CABS1: variants seen among roughly 807,000 people sequenced by gnomAD.
CABS1 encodes the protein calcium binding protein, spermatid associated 1.
For missense variants in CABS1, 500 were observed against 464.3 expected, an observed-to-expected ratio of 1.08 and a Z score of -0.71; for synonymous variants, 195 against 169.0, an observed-to-expected ratio of 1.15 and a Z score of -1.19.
Position 70,335,632 on chromosome 4 carries a change from AT to A in CABS1, c.594del (p.Asn198LysfsTer34). 1 of 1,613,624 alleles carries A rather than the reference AT, an allele frequency of 6.2e-7. No individual in the cohort carries two copies. The highest frequency in any genetic ancestry group is 8.5e-7 in the Non-Finnish European group (1 of 1,179,774). ...AATTATAATTCCTCCATCAAATCCA[AT>A]GTCCCTGCTGATGAGGCTGTCCAGG... ...MSNYNSSIKSNVPADEAVQVT... is the reference protein window; with the variant it reads ...MSNYNSSIKSXVPADEAVQVT... On this transcript the variant is annotated frameshift_variant, in exon 1 of 2. Transcript: ENST00000273936. LOFTEE classifies it low-confidence loss of function (END_TRUNC).
At position 70,336,317 on chromosome 4, in the gene CABS1, T is replaced by C; in HGVS notation, c.*90T>C. ...GAAATTTTTCCAACAAGCAAAAACC[T>C]TTAGAAATGAAAGAATGTGGGCATT... is the stretch of plus-strand genomic sequence containing the variant. On this transcript the variant is annotated 3_prime_UTR_variant, in exon 1 of 2. Transcript: ENST00000273936. 3.4e-6 allele frequency: 5 copies of C among 1,462,482 alleles called. No individual in the cohort carries two copies. Among genetic ancestry groups the C allele is most frequent in the Non-Finnish European group, 3.6e-6 (4 of 1,106,272 alleles). The allele number at this position is 1,462,482 out of a possible 1,614,324, so 90.6% of individuals were successfully genotyped here.
chr4:70,336,838 C>A (rs555201964), intron 1 of CABS1, 128 bp from the exon 2 acceptor site: 3 of 152,308 alleles, frequency 2.0e-5, no homozygotes, highest in South Asian at 4.2e-4. Context: ...ATGTTAGATA[C>A]AAACTAAAGC....
rs1560515434 is a variant in CABS1 at position 70,335,101 on chromosome 4, C to G, written c.62C>G (p.Pro21Arg). The G allele has an allele frequency of 1.2e-6, 2 of 1,613,628 alleles. No individual in the cohort carries two copies. The highest frequency in any genetic ancestry group is 2.7e-5 in the African/African-American group (2 of 75,002). Residue 21 changes from proline (P) to arginine (R), a missense_variant, in exon 1 of 2, where the codon CCA (proline) becomes CGA (arginine). Coordinates refer to ENST00000273936, the MANE Select transcript of CABS1 (RefSeq NM_033122.4). The part of the protein sequence containing the change: ...SHPPTESSKT[P>R]TAATIFFGAD... ...CCTCCAACAGAAAGCAGTAAAACAC[C>G]AACTGCAGCAACCATTTTCTTTGGG...
Position 70,335,988 on chromosome 4 carries a change from G to C in CABS1, c.949G>C (p.Val317Leu), listed in dbSNP as rs1465882064. 1.9e-6 allele frequency: 3 copies of C among 1,613,494 alleles called. No homozygotes were observed. The highest frequency in any genetic ancestry group is 2.5e-6 in the Non-Finnish European group (3 of 1,179,676). ...AETHSVLLTA[V>L]ESRYDFVVPA... The stretch of plus-strand genomic sequence containing the variant: ...GACCCATTCTGTTTTGCTTACTGCT[G>C]TTGAATCCAGATATGACTTCGTTGT... The change falls in exon 1 of 2, where the codon GTT (valine) becomes CTT (leucine). Residue 317 changes from valine (V) to leucine (L), a missense_variant. Coordinates refer to ENST00000273936, the MANE Select transcript of CABS1 (RefSeq NM_033122.4).
chr4:70,335,770 TAA>T lies in CABS1; in HGVS notation c.732_733del (p.Ser245CysfsTer5), dbSNP rs1279201136. 6.2e-7 allele frequency: 1 copy of T among 1,613,466 alleles called. No individual in the cohort carries two copies. Among genetic ancestry groups the T allele is most frequent in the Non-Finnish European group, 8.5e-7 (1 of 1,179,734 alleles). On this transcript the variant is annotated frameshift_variant, in exon 1 of 2. Coordinates refer to ENST00000273936, the MANE Select transcript of CABS1 (RefSeq NM_033122.4). LOFTEE classifies it low-confidence loss of function (END_TRUNC). ...GAAGAGAAAATAACCGAAATTGACC[TAA>T]GTGTTTTAGAAGATGACACCAGTGC...
chr4:70,336,274 G>A lies in CABS1; in HGVS notation c.*47G>A. The A allele has an allele frequency of 2.0e-6, 3 of 1,524,556 alleles. No individual in the cohort carries two copies. The highest frequency in any genetic ancestry group is 2.6e-6 in the Non-Finnish European group (3 of 1,139,960). The allele number at this position is 1,524,556 out of a possible 1,614,324, so 94.4% of individuals were successfully genotyped here. On this transcript the variant is annotated 3_prime_UTR_variant, in exon 1 of 2. Transcript: ENST00000273936. ...GTAGAATTGTGCAATAGTCTAGCCA[G>A]CTAGCCTTAACATCTAAGAAATTTT...
chr4:70,335,701 C>CTGAAGAAAGTAG lies in CABS1; in HGVS notation c.671_672insTAGTGAAGAAAG (p.Ser224_Phe225insSerGluGluSer), dbSNP rs571633376. ...CCTGAGGCTGAAATCCCTCCTGCTCCTGAAGAAAGCTTCACTACTATTCCA... is the reference window on the plus strand; with the variant it reads ...CCTGAGGCTGAAATCCCTCCTGCTCCTGAAGAAAGTAGTGAAGAAAGCTTCACTACTATTCCA... On this transcript the variant is annotated inframe_insertion, in exon 1 of 2. Transcript: ENST00000273936. 64 of 1,613,636 alleles carry CTGAAGAAAGTAG rather than the reference C, an allele frequency of 4.0e-5. 1 individual carries two copies. In the East Asian group the frequency reaches 1.3e-3, roughly 32 times the overall value.
In CABS1 at chr4:70,335,331, T is replaced by C. The variant is rs1366285403; in HGVS notation, c.292T>C (p.Ser98Pro). ...AACTCACCTACAGAAAGAAATTACC[T>C]CTCTGACTGGCACTACAAACTCCAT... ...STTHLQKEIT[S>P]LTGTTNSITR... The change falls in exon 1 of 2, where the codon TCT (serine) becomes CCT (proline). Residue 98 changes from serine to proline, a missense_variant. Transcript: ENST00000273936. 2 of 1,613,744 alleles carry C rather than the reference T, an allele frequency of 1.2e-6. No homozygotes were observed. The highest frequency in any genetic ancestry group is 2.2e-5 in the South Asian group (2 of 91,074).
chr4:70,335,938 A>G lies in CABS1; in HGVS notation c.899A>G (p.Glu300Gly), dbSNP rs1370537852. Residue 300 changes from glutamate to glycine, a missense_variant, in exon 1 of 2, where the codon GAG (glutamate) becomes GGG (glycine). Coordinates refer to ENST00000273936, the MANE Select transcript of CABS1 (RefSeq NM_033122.4). ...ACCGAGGGAGCCAGTATTTGGATGG[A>G]GAGAGATACTGCAAATGAAGCAGAG... Reference protein sequence around the residue: ...ETTEGASIWMERDTANEAETH... With the variant: ...ETTEGASIWMGRDTANEAETH... 6.2e-7 allele frequency: 1 copy of G among 1,613,612 alleles called. No homozygotes were observed. The highest frequency in any genetic ancestry group is 8.5e-7 in the Non-Finnish European group (1 of 1,179,702).
rs1243801811 is a variant in CABS1, at chr4:70,336,111, C to A, written c.1072C>A (p.Pro358Thr). The stretch of plus-strand genomic sequence containing the variant: ...AGAGACTGTACCTAAGATCACTGAG[C>A]CATTTTCTGGAACTACCTCTGTATT... ...NTETVPKITE[P>T]FSGTTSVLDT... The change falls in exon 1 of 2, where the codon CCA (proline) becomes ACA (threonine). Residue 358 changes from proline to threonine, a missense_variant. Coordinates refer to ENST00000273936, the MANE Select transcript of CABS1 (RefSeq NM_033122.4). 4 of 1,613,036 alleles carry A rather than the reference C, an allele frequency of 2.5e-6. No individual in the cohort carries two copies. The highest frequency in any genetic ancestry group is 2.7e-5 in the African/African-American group (2 of 74,820).
In CABS1 at chr4:70,336,181, A is replaced by T. The variant is rs201451430; in HGVS notation, c.1142A>T (p.Asp381Val). The change falls in exon 1 of 2, where the codon GAT (aspartate) becomes GTT (valine). Residue 381 changes from aspartate to valine, a missense_variant. Coordinates refer to ENST00000273936, the MANE Select transcript of CABS1 (RefSeq NM_033122.4). ...YKEDTSTTET[D>V]IFELLKEEPD... is the part of the protein sequence containing the mutation. ...GAAGACACCTCCACAACTGAAACGG[A>T]TATCTTTGAACTACTGAAAGAAGAA... is the stretch of plus-strand genomic sequence containing the variant. The T allele has an allele frequency of 6.2e-7, 1 of 1,612,680 alleles. No homozygotes were observed. Among genetic ancestry groups the T allele is most frequent in the Non-Finnish European group, 8.5e-7 (1 of 1,179,236 alleles).
chr4:70,335,319 A>G lies in CABS1; in HGVS notation c.280A>G (p.Lys94Glu), dbSNP rs1731695791. The change falls in exon 1 of 2, where the codon AAA (lysine) becomes GAA (glutamate). Residue 94 changes from lysine (K) to glutamate (E), a missense_variant. By Grantham distance (56) the Lys-to-Glu change is moderately conservative. Coordinates refer to ENST00000273936, the MANE Select transcript of CABS1 (RefSeq NM_033122.4). ...TATTAAGTCAACAACTCACCTACAGAAAGAAATTACCTCTCTGACTGGCAC... is the reference window on the plus strand; with the variant it reads ...TATTAAGTCAACAACTCACCTACAGGAAGAAATTACCTCTCTGACTGGCAC... ...DFIKSTTHLQ[K>E]EITSLTGTTN... 1 of 1,613,870 alleles carries G rather than the reference A, an allele frequency of 6.2e-7. No individual in the cohort carries two copies. Among genetic ancestry groups the G allele is most frequent in the Non-Finnish European group, 8.5e-7 (1 of 1,179,900 alleles).
chr4:70,335,499 G>A lies in CABS1; in HGVS notation c.460G>A (p.Ala154Thr). 6.2e-7 allele frequency: 1 copy of A among 1,613,664 alleles called. No homozygotes were observed. The highest frequency in any genetic ancestry group is 2.2e-5 in the East Asian group (1 of 44,838). The change falls in exon 1 of 2, where the codon GCA (alanine) becomes ACA (threonine). Residue 154 changes from alanine to threonine, a missense_variant. Ala to Thr is a moderately conservative substitution (Grantham distance 58, BLOSUM62 0). Coordinates refer to ENST00000273936, the MANE Select transcript of CABS1 (RefSeq NM_033122.4). ...ILLATIDTGDAEISITSEVSG... is the reference protein window; with the variant it reads ...ILLATIDTGDTEISITSEVSG... Reference sequence around the variant, plus strand: ...CTTAGCTACCATTGACACAGGAGATGCAGAGATCTCAATAACCTCTGAAGT... The same window carrying A: ...CTTAGCTACCATTGACACAGGAGATACAGAGATCTCAATAACCTCTGAAGT...
In CABS1 at chr4:70,336,051, T is replaced by A. The variant is rs1560515984; in HGVS notation, c.1012T>A (p.Ser338Thr). 1 of 1,613,434 alleles carries A rather than the reference T, an allele frequency of 6.2e-7. No individual in the cohort carries two copies. Among genetic ancestry groups the A allele is most frequent in the Non-Finnish European group, 8.5e-7 (1 of 1,179,620 alleles). ...SIATNLVEES[S>T]TEEDLSETDN... The stretch of plus-strand genomic sequence containing the variant: ...AGCTACAAACCTAGTGGAAGAATCA[T>A]CTACAGAAGAAGATTTGTCTGAAAC... The change falls in exon 1 of 2, where the codon TCT (serine) becomes ACT (threonine). Residue 338 changes from serine to threonine, a missense_variant. Transcript: ENST00000273936.
Position 70,335,812 on chromosome 4 carries a change from C to T in CABS1, c.773C>T (p.Thr258Ile), listed in dbSNP as rs1258681618. ...GACACCAGTGCTGTGGCTACATTAA[C>T]TGACTCTGATGAGAAGTTTATCACT... ...EDDTSAVATL[T>I]DSDEKFITVF... Residue 258 changes from threonine to isoleucine, a missense_variant, in exon 1 of 2, where the codon ACT becomes ATT. Transcript: ENST00000273936. 1.2e-6 allele frequency: 2 copies of T among 1,613,496 alleles called. No homozygotes were observed. The highest frequency in any genetic ancestry group is 1.7e-5 in the Admixed American group (1 of 59,950).
In CABS1 at chr4:70,335,794, G is replaced by A; in HGVS notation, c.755G>A (p.Ser252Asn). 1 of 1,613,612 alleles carries A rather than the reference G, an allele frequency of 6.2e-7. No individual in the cohort carries two copies. The highest frequency in any genetic ancestry group is 8.5e-7 in the Non-Finnish European group (1 of 1,179,734). Reference protein sequence around the residue: ...IDLSVLEDDTSAVATLTDSDE... With the variant: ...IDLSVLEDDTNAVATLTDSDE... ...CTAAGTGTTTTAGAAGATGACACCA[G>A]TGCTGTGGCTACATTAACTGACTCT... is the stretch of plus-strand genomic sequence containing the variant. Residue 252 changes from serine to asparagine, a missense_variant, in exon 1 of 2, where the codon AGT (serine) becomes AAT (asparagine). Transcript: ENST00000273936.
Position 70,335,151 on chromosome 4 carries a change from G to GA in CABS1, c.115dup (p.Thr39AsnfsTer15). On this transcript the variant is annotated frameshift_variant, in exon 1 of 2. Coordinates refer to ENST00000273936, the MANE Select transcript of CABS1 (RefSeq NM_033122.4). LOFTEE classifies it low-confidence loss of function (END_TRUNC). The stretch of plus-strand genomic sequence containing the variant: ...GGCTGACAATGCTATTCCCAAATCA[G>GA]AAACAACTATTACTTCAGAAGGAGA... 7 of 1,613,800 alleles carry GA rather than the reference G, an allele frequency of 4.3e-6. No individual in the cohort carries two copies. Among genetic ancestry groups the GA allele is most frequent in the Non-Finnish European group, 5.9e-6 (7 of 1,179,826 alleles).
At position 70,335,656 on chromosome 4, in the gene CABS1, A is replaced by G. The variant is rs1321257394; in HGVS notation, c.617A>G (p.Gln206Arg). The change falls in exon 1 of 2, where the codon CAG (glutamine) becomes CGG (arginine). Residue 206 changes from glutamine (Q) to arginine (R), a missense_variant. Physicochemically the swap from Gln to Arg is conservative, Grantham distance 43. Transcript: ENST00000273936. ...KSNVPADEAV[Q>R]VTDSTIPEAE... ...AATGTCCCTGCTGATGAGGCTGTCC[A>G]GGTCACTGATTCCACTATTCCTGAG... 3.7e-6 allele frequency: 6 copies of G among 1,613,606 alleles called. No individual in the cohort carries two copies. Among genetic ancestry groups the G allele is most frequent in the Non-Finnish European group, 5.1e-6 (6 of 1,179,792 alleles).
Position 70,335,123 on chromosome 4 carries a change from T to C in CABS1, c.84T>C (p.Phe28=), listed in dbSNP as rs112478204. The stretch of plus-strand genomic sequence containing the variant: ...CACCAACTGCAGCAACCATTTTCTT[T>C]GGGGCTGACAATGCTATTCCCAAAT... The part of the protein sequence containing the change: ...SKTPTAATIF[F]GADNAIPKSE... The change falls in exon 1 of 2, where the codon TTT becomes TTC. Residue 28 remains phenylalanine, a synonymous_variant. Transcript: ENST00000273936. 1.2e-6 allele frequency: 2 copies of C among 1,613,808 alleles called. No individual in the cohort carries two copies. The highest frequency in any genetic ancestry group is 2.2e-5 in the East Asian group (1 of 44,864).
Sources: allele counts gnomAD v4.1 joint callset, GRCh38; gene constraint gnomAD v4.1.1; transcripts MANE v1.5; gene names NCBI Gene and HGNC (gene_info 2026-07-23, HGNC 2026-07-21).